Variants in RAP1B observed in about 807,000 individuals in gnomAD.
RAP1B encodes ras-related protein Rap-1b.
RAP1B carries 1 observed loss-of-function variant against 27.5 expected under a neutral mutation model. That is an observed-to-expected ratio of 0.04 (90% confidence interval 0.01 to 0.17). The LOEUF (loss-of-function observed/expected upper bound fraction) is 0.17, where lower values mean the gene tolerates loss of function less well. RAP1B is among the 10% of genes least tolerant of loss of function. RAP1B has a pLI of 1.00. For missense variants in RAP1B, 84 were observed against 214.8 expected (o/e 0.39, Z 3.81); for synonymous variants, 75 against 73.1 (o/e 1.03, Z -0.13).
intron 2 of RAP1B, 35 bp from the exon 3 acceptor site, chr12:68,650,365 T>G: frequency 6.7e-7 from 1 of 1,490,344 alleles, no homozygotes; most frequent in Non-Finnish European, 9.1e-7. Flanking sequence ...ACTCTTTTCT[T>G]TAGAAGTATA....
At chr12:68,643,600 T>C (rs1873180426) in intron 1 of RAP1B, among the ~76,000 whole-genome samples, 1 of 152,172 alleles carries the variant, frequency 6.6e-6, no homozygotes, top group East Asian at 1.9e-4. Flanking sequence ...TGCTTACCTG[T>C]TTGTTTCTTT....
In RAP1B at chr12:68,665,192, T is replaced by C. The variant is rs915401166; in HGVS notation, c.*5943T>C. 4 of 152,228 alleles carry C rather than the reference T, an allele frequency of 2.6e-5. No homozygotes were observed. The highest frequency in any genetic ancestry group is 2.1e-4 in the South Asian group (1 of 4,834). 9.4% of individuals were successfully genotyped at this position (152,228 alleles called of 1,614,324 possible). ...ATGGGTATGGTACAGCAGGTAGTTA[T>C]GGGGAGACCTCTACTGTTCTAAATG... On this transcript the variant is annotated 3_prime_UTR_variant, in exon 8 of 8. Coordinates refer to ENST00000250559, the MANE Select transcript of RAP1B (RefSeq NM_001010942.3).
chr12:68,630,837 C>T (rs892743178), intron 1 of RAP1B, among the ~76,000 whole-genome samples: 2 of 151,974 alleles, frequency 1.3e-5, no homozygotes, highest in Non-Finnish European at 2.9e-5. Context: ...CAGGCCACCA[C>T]GCCTGGCTAA....
Position 68,668,555 on chromosome 12 carries a change from C to A in RAP1B, c.*9306C>A, listed in dbSNP as rs930398368. 6.6e-6 allele frequency: 1 copy of A among 152,194 alleles called. No individual in the cohort carries two copies. Among genetic ancestry groups the A allele is most frequent in the Admixed American group, 6.5e-5 (1 of 15,272 alleles). 9.4% of individuals were successfully genotyped at this position (152,194 alleles called of 1,614,324 possible). A position where few individuals can be genotyped will look rare whatever the true frequency, so the allele number is the denominator to read the frequency against. ...AGTTAAACCAAAACAGATTTAATGT[C>A]TAAACTTAAATCTAGTTTGACATTA... On this transcript the variant is annotated 3_prime_UTR_variant, in exon 8 of 8. Transcript: ENST00000250559.
chr12:68,643,921 CA>C (rs1467610516), intron 1 of RAP1B, among the ~76,000 whole-genome samples: 1 of 152,054 alleles, frequency 6.6e-6, no homozygotes, highest in Non-Finnish European at 1.5e-5. Context: ...CCCACCTTGT[CA>C]TGTATTTTTT....
At chr12:68,627,409 A>C (rs372390122) in intron 1 of RAP1B, 24 of 519,418 alleles carry the variant, frequency 4.6e-5, no homozygotes, top group Non-Finnish European at 5.6e-5. Flanking sequence ...AATATACCCA[A>C]TCCCTACTAG....
At position 68,663,413 on chromosome 12, in the gene RAP1B, T is replaced by A. The variant is rs527646773; in HGVS notation, c.*4164T>A. 2 of 152,266 alleles carry A rather than the reference T, an allele frequency of 1.3e-5. No individual in the cohort carries two copies. Among genetic ancestry groups the A allele is most frequent in the African/African-American group, 4.8e-5 (2 of 41,538 alleles). 9.4% of individuals were successfully genotyped at this position (152,266 alleles called of 1,614,324 possible). On this transcript the variant is annotated 3_prime_UTR_variant, in exon 8 of 8. Coordinates refer to ENST00000250559, the MANE Select transcript of RAP1B (RefSeq NM_001010942.3). ...AATACATGAGAGAAGAGAGGTAGAT[T>A]GAGAACAGAACTAAACTTTATATAT...
chr12:68,647,438 C>G (rs1213966658), intron 1 of RAP1B, among the ~76,000 whole-genome samples: 1 of 133,722 alleles, frequency 7.5e-6, no homozygotes, highest in Non-Finnish European at 1.6e-5. Context: ...CCAGGCTGGT[C>G]TTGAGCTCCT....
Position 68,635,862 on chromosome 12 carries a change from T to A in RAP1B, c.-26-12837T>A, listed in dbSNP as rs1418027714. Among the ~76,000 whole-genome samples, 3 of 149,186 alleles carry A rather than the reference T, an allele frequency of 2.0e-5. No homozygotes were observed. The East Asian group carries it at 5.9e-4, about 30-fold the overall frequency. On this transcript the variant is annotated intron_variant, in intron 1 of 7. Transcript: ENST00000250559. ...GATTGGAGAACTGCTTTTGCAAAAT[T>A]TCCATTTTGGTTATACCCATGAAAT...
intron 1 of RAP1B, among the ~76,000 whole-genome samples, chr12:68,615,771 A>T (rs1240153666): frequency 6.6e-6 from 1 of 152,120 alleles, no homozygotes; most frequent in African/African-American, 2.4e-5. Flanking sequence ...GTAGTTATAC[A>T]TGTGTATATA....
rs1874771662 is a variant in RAP1B, at chr12:68,664,666, A to AC, written c.*5419dup. 6.6e-6 allele frequency: 1 copy of AC among 152,018 alleles called. No individual in the cohort carries two copies. The highest frequency in any genetic ancestry group is 1.5e-5 in the Non-Finnish European group (1 of 68,036). 9.4% of individuals were successfully genotyped at this position (152,018 alleles called of 1,614,324 possible). ...CGAGGTTGCAGTGAGCTGAGATCAC[A>AC]CCACTGCACTTCAGCATGGGCAACA... On this transcript the variant is annotated 3_prime_UTR_variant, in exon 8 of 8. Transcript: ENST00000250559.
chr12:68,651,772 C>G, intron 3 of RAP1B: 2 of 495,450 alleles, frequency 4.0e-6, no homozygotes, highest in Non-Finnish European at 7.4e-6. Flanking sequence ...CCTGTGTTGA[C>G]TTGAGAACAC....
At chr12:68,620,576 T>C (rs1011010823) in intron 1 of RAP1B, among the ~76,000 whole-genome samples, 2 of 151,906 alleles carry the variant, frequency 1.3e-5, no homozygotes, top group African/African-American at 4.8e-5. Flanking sequence ...TATAAACTCA[T>C]GGGATAAGTC....
At chr12:68,612,300 C>T (rs998867420) in intron 1 of RAP1B, among the ~76,000 whole-genome samples, 4 of 152,100 alleles carry the variant, frequency 2.6e-5, no homozygotes, top group African/African-American at 9.7e-5. Context: ...TCAACAAGAC[C>T]TTATCTTAAC....
chr12:68,662,605 T>G lies in RAP1B; in HGVS notation c.*3356T>G, dbSNP rs936271149. 2.0e-5 allele frequency: 3 copies of G among 152,172 alleles called. No homozygotes were observed. The highest frequency in any genetic ancestry group is 7.2e-5 in the African/African-American group (3 of 41,452). The allele number at this position is 152,172 out of a possible 1,614,324, so 9.4% of individuals were successfully genotyped here. A position where few individuals can be genotyped will look rare whatever the true frequency, so the allele number is the denominator to read the frequency against. On this transcript the variant is annotated 3_prime_UTR_variant, in exon 8 of 8. Coordinates refer to ENST00000250559, the MANE Select transcript of RAP1B (RefSeq NM_001010942.3). The stretch of plus-strand genomic sequence containing the variant: ...ACTCTTATCTGTGTTTTCATTGAAT[T>G]TAATCTCCATCTATTCTATCTCTTC...
At chr12:68,632,147 T>G (rs1197809434) in intron 1 of RAP1B, among the ~76,000 whole-genome samples, 15 of 107,954 alleles carry the variant, frequency 1.4e-4, no homozygotes, top group Admixed American at 9.6e-4. Flanking sequence ...TTTTTTTTTG[T>G]TTGTTTTTTT....
At chr12:68,612,891 TGTTTGACGTTGACA>T (rs1319486691) in intron 1 of RAP1B, among the ~76,000 whole-genome samples, 6 of 152,236 alleles carry the variant, frequency 3.9e-5, no homozygotes, top group Admixed American at 3.9e-4. Context: ...TGCATTTCCT[TGTTTGACGTTGACA>T]ATAAATCGTG....
chr12:68,654,352 G>A, intron 5 of RAP1B, 100 bp downstream of exon 5: 7 of 222,162 alleles, frequency 3.2e-5, no homozygotes, highest in Non-Finnish European at 4.2e-5. Flanking sequence ...TATTTTGGTT[G>A]GGGGGGGGGT....
At chr12:68,642,405 C>A in intron 1 of RAP1B, 1 of 530,414 alleles carries the variant, frequency 1.9e-6, no homozygotes, top group African/African-American at 1.9e-5. Flanking sequence ...GAGATATTGG[C>A]TAATTTACTG....
Sources: allele counts gnomAD v4.1 joint callset (sites outside exome capture counted in the v4.1 genomes callset), GRCh38; gene constraint gnomAD v4.1.1; transcripts MANE v1.5; gene names NCBI Gene and HGNC (gene_info 2026-07-23, HGNC 2026-07-21).